Variants in GFM2 observed in about 807,000 individuals in gnomAD.
GFM2 encodes the protein GTP dependent ribosome recycling factor mitochondrial 2.
A neutral mutation model predicts 95.4 loss-of-function variants in GFM2; 72 were observed. The ratio of observed to expected loss-of-function variants is 0.76; its 90% CI spans 0.62 to 0.92. The LOEUF (loss-of-function observed/expected upper bound fraction) is 0.92, where lower values mean the gene tolerates loss of function less well. GFM2 is among the 40% of genes least tolerant of loss of function. The pLI is 0.00. For synonymous variants in GFM2, 276 were observed against 317.5 expected, an observed-to-expected ratio of 0.87 and a Z score of 1.39; for missense variants, 825 against 924.1, an observed-to-expected ratio of 0.89 and a Z score of 1.39.
rs1392846731 is a variant in GFM2, at chr5:74,738,429, C to T, written c.1221-12G>A. 6.2e-7 allele frequency: 1 copy of T among 1,611,608 alleles called. No homozygotes were observed. Among genetic ancestry groups the T allele is most frequent in the South Asian group, 1.1e-5 (1 of 90,596 alleles). On this transcript the variant is annotated splice_polypyrimidine_tract_variant and intron_variant, in intron 13 of 20. Coordinates refer to ENST00000296805, the MANE Select transcript of GFM2 (RefSeq NM_032380.5). ...GACTTATTCTCTCCCTGTAAAATCACAATTTTATGTTAGTAAAAGTATTTT... is the reference window on the plus strand; with the variant it reads ...GACTTATTCTCTCCCTGTAAAATCATAATTTTATGTTAGTAAAAGTATTTT...
rs577301631 is a variant in GFM2, at chr5:74,750,568, A to G, written c.519+11T>C. 57 of 1,593,918 alleles carry G rather than the reference A, an allele frequency of 3.6e-5. 1 individual carries two copies. The South Asian group carries it at 5.1e-4, about 14-fold the overall frequency. On this transcript the variant is annotated intron_variant, in intron 7 of 20. Coordinates refer to ENST00000296805, the MANE Select transcript of GFM2 (RefSeq NM_032380.5). ...TGTTCTAATTCCCTTTACTTTGGCA[A>G]TATTATTTACCTCTACACCAGCAGA...
At chr5:74,724,300 T>C (rs1750049414) in intron 19 of GFM2, among the ~76,000 whole-genome samples, 1 of 152,094 alleles carries the variant, frequency 6.6e-6, no homozygotes, top group African/African-American at 2.4e-5. Context: ...CAGATTACCT[T>C]AGTTTCAATA....
At chr5:74,762,435 T>C (rs56365996) in intron 2 of GFM2, among the ~76,000 whole-genome samples, 54,430 of 152,154 alleles carry the variant, frequency 0.36, 12,965 homozygotes, top group African/African-American at 0.68. Flanking sequence ...ATAATTTTTG[T>C]AGTTTGAAGT....
chr5:74,766,386 A>G (rs187809269), intron 1 of GFM2, among the ~76,000 whole-genome samples: 6 of 152,380 alleles, frequency 3.9e-5, no homozygotes, highest in South Asian at 2.1e-4. Flanking sequence ...TTCTTTTGGT[A>G]CAGTTCTTTT....
At chr5:74,766,314 T>TAAAAAC (rs968172373) in intron 1 of GFM2, among the ~76,000 whole-genome samples, 2 of 152,116 alleles carry the variant, frequency 1.3e-5, no homozygotes, top group African/African-American at 2.4e-5. Context: ...AAAATACCCA[T>TAAAAAC]AAAAACAAAA....
intron 15 of GFM2, among the ~76,000 whole-genome samples, chr5:74,733,666 T>C (rs1185604141): frequency 6.6e-6 from 1 of 152,144 alleles, no homozygotes; most frequent in Non-Finnish European, 1.5e-5. Flanking sequence ...TTGTAGGCCA[T>C]GATGAAAAGT....
chr5:74,759,928 G>T, intron 3 of GFM2, among the ~76,000 whole-genome samples: 1 of 152,092 alleles, frequency 6.6e-6, no homozygotes, highest in African/African-American at 2.4e-5. Flanking sequence ...TTTAAAGACT[G>T]CCTGGGAGGT....
intron 5 of GFM2, among the ~76,000 whole-genome samples, chr5:74,755,708 G>A (rs1293409374): frequency 1.3e-5 from 2 of 152,046 alleles, no homozygotes; most frequent in Non-Finnish European, 2.9e-5. Flanking sequence ...AAATAACAGT[G>A]AGAAGGAAAT....
chr5:74,727,523 G>A (rs374162426), intron 17 of GFM2, among the ~76,000 whole-genome samples: 2 of 152,260 alleles, frequency 1.3e-5, no homozygotes, highest in East Asian at 3.9e-4. Flanking sequence ...ATTCCACTAT[G>A]AGGAAGACCC....
At chr5:74,727,942 G>A (rs897619902) in intron 17 of GFM2, among the ~76,000 whole-genome samples, 2 of 152,106 alleles carry the variant, frequency 1.3e-5, no homozygotes, top group African/African-American at 2.4e-5. Context: ...AACAGATCAT[G>A]AGAACCTATT....
At chr5:74,726,304 A>T (rs948999591) in intron 17 of GFM2, among the ~76,000 whole-genome samples, 178 bp from the exon 18 acceptor site, 2 of 152,202 alleles carry the variant, frequency 1.3e-5, no homozygotes, top group African/African-American at 4.8e-5. Context: ...CTACCAACAA[A>T]GCATCTGCTT....
chr5:74,723,201 T>C (rs571940503), intron 19 of GFM2, among the ~76,000 whole-genome samples: 2 of 152,312 alleles, frequency 1.3e-5, no homozygotes, highest in South Asian at 4.1e-4. Context: ...AATCTTTTCC[T>C]GTCAATATTA....
chr5:74,722,674 T>C (rs1459011600), intron 19 of GFM2, 113 bp from the exon 20 acceptor site: 1 of 744,354 alleles, frequency 1.3e-6, no homozygotes, highest in Admixed American at 3.0e-5. Context: ...TCTTTAAAGA[T>C]AACGTTTTAT....
At chr5:74,758,533 C>T (rs769850206) in intron 5 of GFM2, among the ~76,000 whole-genome samples, 11 of 152,236 alleles carry the variant, frequency 7.2e-5, no homozygotes, top group East Asian at 1.9e-4. Context: ...CAGATAGCTA[C>T]GGGGACTGCT....
chr5:74,741,679 C>T (rs1743114263), intron 10 of GFM2, 70 bp from the exon 11 acceptor site: 1 of 733,590 alleles, frequency 1.4e-6, no homozygotes, highest in African/African-American at 1.8e-5. Flanking sequence ...GTCCAAACAC[C>T]ATAAACAGAC....
chr5:74,743,149 T>C (rs542439345), intron 10 of GFM2, among the ~76,000 whole-genome samples: 1 of 152,174 alleles, frequency 6.6e-6, no homozygotes, highest in Non-Finnish European at 1.5e-5. Flanking sequence ...TGAATCTGAT[T>C]ACTCTGGATC....
At position 74,758,826 on chromosome 5, in the gene GFM2, G is replaced by A. The variant is rs373760911; in HGVS notation, c.304+23C>T. 1.3e-5 allele frequency: 18 copies of A among 1,405,684 alleles called. No individual in the cohort carries two copies. In the African/African-American group the frequency reaches 1.6e-4, roughly 12 times the overall value. The allele number at this position is 1,405,684 out of a possible 1,614,324, so 87.1% of individuals were successfully genotyped here. A position where few individuals can be genotyped will look rare whatever the true frequency, so the allele number is the denominator to read the frequency against. On this transcript the variant is annotated intron_variant, in intron 5 of 20. Coordinates refer to ENST00000296805, the MANE Select transcript of GFM2 (RefSeq NM_032380.5). Reference sequence around the variant, plus strand: ...GATGCTTTTGCTAATGGGGGGGTGGGAAGAGGAGGAATCCATTCTAACCTC... The same window carrying A: ...GATGCTTTTGCTAATGGGGGGGTGGAAAGAGGAGGAATCCATTCTAACCTC...
At chr5:74,749,827 A>G (rs1222359984) in intron 7 of GFM2, among the ~76,000 whole-genome samples, 6 of 152,106 alleles carry the variant, frequency 3.9e-5, no homozygotes, top group Non-Finnish European at 8.8e-5. Context: ...AACTTTTGTT[A>G]TTTATGTTTC....
chr5:74,745,846 A>G lies in GFM2; in HGVS notation c.681T>C (p.Gly227=), dbSNP rs1579998760. ...CCACTCCTTTGAAAGTTTTGGCTTC[A>G]CCAATTGGTAACTGTAAGTCAGAGT... The part of the protein sequence containing the change: ...AKPLLLQLPI[G]EAKTFKGVVD... The change falls in exon 10 of 21, where the codon GGT becomes GGC. Residue 227 remains glycine (G), a synonymous_variant. Coordinates refer to ENST00000296805, the MANE Select transcript of GFM2 (RefSeq NM_032380.5). The G allele has an allele frequency of 6.2e-7, 1 of 1,610,960 alleles. No individual in the cohort carries two copies. The highest frequency in any genetic ancestry group is 1.1e-5 in the South Asian group (1 of 90,934).
Sources: gnomAD v4.1 joint callset for allele counts (sites outside exome capture counted in the v4.1 genomes callset) on GRCh38, gnomAD v4.1.1 for gene constraint, MANE v1.5 for transcripts, NCBI Gene and HGNC (gene_info 2026-07-23, HGNC 2026-07-21) for gene names.